The following PLCL2 variants were observed in gnomAD, a reference collection of about 807,000 sequenced individuals.
The protein encoded by PLCL2 is inactive phospholipase C-like protein 2.
PLCL2 carries 4 observed loss-of-function variants against 79.6 expected under a neutral mutation model. The ratio of observed to expected loss-of-function variants is 0.05; its 90% CI spans 0.02 to 0.11. The LOEUF (loss-of-function observed/expected upper bound fraction) is 0.11, where lower values mean the gene tolerates loss of function less well. PLCL2 is among the 10% of genes least tolerant of loss of function. PLCL2 has a pLI of 1.00. For missense variants in PLCL2, 895 were observed against 1,291.0 expected, an observed-to-expected ratio of 0.69 and a Z score of 4.70; for synonymous variants, 484 against 457.7, an observed-to-expected ratio of 1.06 and a Z score of -0.73.
intron 3 of PLCL2, among the ~76,000 whole-genome samples, chr3:17,027,192 C>G (rs922844173): frequency 8.5e-5 from 13 of 152,216 alleles, no homozygotes; most frequent in African/African-American, 3.1e-4. Flanking sequence ...TACTTTGAGT[C>G]CAGTTTTACC....
Position 16,941,964 on chromosome 3 carries a change from C to A in PLCL2, c.327+56598C>A, listed in dbSNP as rs143925682. Among the ~76,000 whole-genome samples, 294 of 152,090 alleles carry A rather than the reference C, an allele frequency of 1.9e-3. 1 individual carries two copies. The highest frequency in any genetic ancestry group is 6.7e-3 in the African/African-American group (276 of 41,494). ...ATTGTAAACTCCTTAAGAACCGGGA[C>A]CATTCTTATCTTTTTAGCCCTAGTG... On this transcript the variant is annotated intron_variant, in intron 1 of 5. Coordinates refer to ENST00000615277, the MANE Select transcript of PLCL2 (RefSeq NM_001144382.2).
intron 3 of PLCL2, among the ~76,000 whole-genome samples, chr3:17,026,921 CAAAAT>C (rs1372279957): frequency 6.6e-6 from 1 of 151,568 alleles, no homozygotes; most frequent in Non-Finnish European, 1.5e-5. Flanking sequence ...AAAAACAAAA[CAAAAT>C]AAATTCTATC....
intron 1 of PLCL2, among the ~76,000 whole-genome samples, chr3:16,920,080 T>A (rs1176239816): frequency 6.6e-6 from 1 of 152,214 alleles, no homozygotes; most frequent in Non-Finnish European, 1.5e-5. Context: ...TGTGTGTTTT[T>A]ACACAAATTG....
intron 3 of PLCL2, among the ~76,000 whole-genome samples, chr3:17,015,932 C>CGTAG (rs1236470605): frequency 6.6e-6 from 1 of 152,116 alleles, no homozygotes; most frequent in Non-Finnish European, 1.5e-5. Flanking sequence ...GTGACTACTT[C>CGTAG]GTAGGTTTCT....
At chr3:17,036,331 G>A (rs552779578) in intron 3 of PLCL2, among the ~76,000 whole-genome samples, 92 of 152,258 alleles carry the variant, frequency 6.0e-4, no homozygotes, top group African/African-American at 1.8e-3. Flanking sequence ...TTAAAAGTAC[G>A]TTGTATTTTC....
chr3:16,937,059 A>G (rs964040504), intron 1 of PLCL2, among the ~76,000 whole-genome samples: 1 of 152,144 alleles, frequency 6.6e-6, no homozygotes, highest in Non-Finnish European at 1.5e-5. Flanking sequence ...AATGCCAGTA[A>G]CACCCCCATC....
intron 3 of PLCL2, among the ~76,000 whole-genome samples, chr3:17,040,017 A>G (rs1042042890): frequency 1.3e-5 from 2 of 152,218 alleles, no homozygotes; most frequent in Non-Finnish European, 2.9e-5. Context: ...ATTGAATTTT[A>G]TCACATCCAA....
At chr3:16,984,108 G>C (rs1337495639) in intron 1 of PLCL2, among the ~76,000 whole-genome samples, 2 of 151,594 alleles carry the variant, frequency 1.3e-5, no homozygotes, top group African/African-American at 4.9e-5. Context: ...TGAACGCGTG[G>C]AGGGTATTTC....
chr3:16,885,977 C>T (rs1696211593), intron 1 of PLCL2, among the ~76,000 whole-genome samples: 1 of 152,192 alleles, frequency 6.6e-6, no homozygotes, highest in African/African-American at 2.4e-5. Context: ...GATTACAGTT[C>T]CACACGATTT....
chr3:16,990,139 A>G lies in PLCL2; in HGVS notation c.328-19535A>G, dbSNP rs201200722. Among the ~76,000 whole-genome samples the G allele has an allele frequency of 5.2e-4, 76 of 144,966 alleles. 1 individual carries two copies. The South Asian group carries it at 0.015, about 29-fold the overall frequency. On this transcript the variant is annotated intron_variant, in intron 1 of 5. Transcript: ENST00000615277. ...CGATGACGATGATGGTGATGATGAT[A>G]GCAGTAGTAATGTCAACCACATTAA...
At chr3:17,051,703 A>G (rs2064840670) in intron 4 of PLCL2, among the ~76,000 whole-genome samples, 1 of 152,190 alleles carries the variant, frequency 6.6e-6, no homozygotes, top group African/African-American at 2.4e-5. Flanking sequence ...CCAAGCCTTA[A>G]AGGGGAAAGA....
chr3:16,950,818 T>C (rs897460099), intron 1 of PLCL2, among the ~76,000 whole-genome samples: 5 of 152,178 alleles, frequency 3.3e-5, no homozygotes, highest in Non-Finnish European at 5.9e-5. Context: ...AATTTGTTAA[T>C]GTAGTAATGA....
At chr3:16,894,872 A>G (rs915740869) in intron 1 of PLCL2, among the ~76,000 whole-genome samples, 18 of 152,076 alleles carry the variant, frequency 1.2e-4, no homozygotes, top group African/African-American at 3.6e-4. Flanking sequence ...TGATATATAT[A>G]TATATTCAAG....
intron 5 of PLCL2, among the ~76,000 whole-genome samples, chr3:17,075,842 G>T (rs1434740560): frequency 6.6e-6 from 1 of 152,148 alleles, no homozygotes; most frequent in Non-Finnish European, 1.5e-5. Context: ...GTTAATGTAG[G>T]TTTCAGTACT....
chr3:17,074,218 G>A (rs886705145), intron 5 of PLCL2, among the ~76,000 whole-genome samples: 2 of 152,224 alleles, frequency 1.3e-5, no homozygotes, highest in South Asian at 4.1e-4. Flanking sequence ...TAGCAGGCAT[G>A]AAAGCAATAT....
chr3:17,072,975 T>C (rs1357693728), intron 5 of PLCL2, among the ~76,000 whole-genome samples: 1 of 152,204 alleles, frequency 6.6e-6, no homozygotes, highest in Non-Finnish European at 1.5e-5. Flanking sequence ...TGTCCTGTTC[T>C]AGGGTTTCTG....
chr3:17,013,937 C>G (rs1008004753), intron 2 of PLCL2, among the ~76,000 whole-genome samples: 4 of 152,222 alleles, frequency 2.6e-5, no homozygotes, highest in African/African-American at 7.2e-5. Flanking sequence ...TCTTCTCATC[C>G]ATAACATGGC....
At chr3:16,952,146 A>G (rs945690367) in intron 1 of PLCL2, among the ~76,000 whole-genome samples, 2 of 151,830 alleles carry the variant, frequency 1.3e-5, no homozygotes, top group Non-Finnish European at 2.9e-5. Context: ...ACATGGACAC[A>G]GGGAGGGGAA....
At chr3:17,018,377 A>G (rs2064409149) in intron 3 of PLCL2, among the ~76,000 whole-genome samples, 2 of 152,176 alleles carry the variant, frequency 1.3e-5, no homozygotes. Context: ...GGGCATTTAA[A>G]TGAGGCGTCT....
Sources: allele counts gnomAD v4.1 joint callset (sites outside exome capture counted in the v4.1 genomes callset), GRCh38; gene constraint gnomAD v4.1.1; transcripts MANE v1.5; gene names NCBI Gene and HGNC (gene_info 2026-07-23, HGNC 2026-07-21).